Variants in KCNJ13 observed in about 807,000 individuals in gnomAD.
KCNJ13 encodes inward rectifier potassium channel 13.
In KCNJ13, 9 loss-of-function variants were observed where a neutral mutation model predicts 24.6. The ratio of observed to expected loss-of-function variants is 0.37; its 90% CI spans 0.22 to 0.64. The LOEUF (loss-of-function observed/expected upper bound fraction) is 0.64, where lower values mean the gene tolerates loss of function less well. KCNJ13 is among the 30% of genes least tolerant of loss of function. The probability of loss-of-function intolerance (pLI) is 0.64; values close to 1 mark genes in which losing one functional copy is unlikely to be tolerated. For synonymous variants in KCNJ13, 148 were observed against 154.7 expected (o/e 0.96, Z 0.32); for missense variants, 337 against 443.8 (o/e 0.76, Z 2.16).
At position 232,768,719 on chromosome 2, in the gene KCNJ13, A is replaced by T; in HGVS notation, c.555T>A (p.Pro185=). The T allele has an allele frequency of 6.2e-7, 1 of 1,602,498 alleles. No individual in the cohort carries two copies. Among genetic ancestry groups the T allele is most frequent in the Non-Finnish European group, 8.5e-7 (1 of 1,171,052 alleles). Residue 185 remains proline (P), a synonymous_variant, in exon 3 of 3, where the codon CCT becomes CCA. Transcript: ENST00000233826. ...TGTTGGCCACTTGGAAGATAAGATT[A>T]GGTTTGCCATCCATGTGAGCTACTA... The part of the protein sequence containing the change: ...TAVVAHMDGK[P]NLIFQVANTR...
chr2:232,771,462 T>C (rs746396840), intron 1 of KCNJ13, 84 bp from the exon 2 acceptor site: 10 of 842,260 alleles, frequency 1.2e-5, no homozygotes, highest in East Asian at 2.6e-5. Flanking sequence ...ACTTTCTGCT[T>C]TCTTGGGAAT....
intron 1 of KCNJ13, among the ~76,000 whole-genome samples, chr2:232,774,415 A>G (rs1699424819): frequency 6.6e-6 from 1 of 152,226 alleles, no homozygotes; most frequent in South Asian, 2.1e-4. Flanking sequence ...AGTCTGAATT[A>G]TTAGATAGTC....
chr2:232,770,837 A>G, intron 2 of KCNJ13, 66 bp downstream of exon 2: 3 of 1,127,958 alleles, frequency 2.7e-6, no homozygotes, highest in South Asian at 2.6e-5. Flanking sequence ...ACCCTTTCCA[A>G]ACACCTGTAG....
intron 2 of KCNJ13, among the ~76,000 whole-genome samples, chr2:232,769,719 T>C (rs955104304): frequency 6.6e-6 from 1 of 152,136 alleles, no homozygotes; most frequent in African/African-American, 2.4e-5. Flanking sequence ...GTTGGCGGGC[T>C]GTTGGTAAGG....
chr2:232,766,217 AGT>A lies in KCNJ13; in HGVS notation c.*1972_*1973del, dbSNP rs1698957792. On this transcript the variant is annotated 3_prime_UTR_variant, in exon 3 of 3. Coordinates refer to ENST00000233826, the MANE Select transcript of KCNJ13 (RefSeq NM_002242.4). ...GATCACGTTTCTTATAGATTTATAAAGTGTTTATTAAATAACAGTAGTTTACC... is the reference window on the plus strand; with the variant it reads ...GATCACGTTTCTTATAGATTTATAAAGTTTATTAAATAACAGTAGTTTACC... 6.6e-6 allele frequency among the ~76,000 whole-genome samples: 1 copy of A among 152,208 alleles called. No homozygotes were observed. The highest frequency in any genetic ancestry group is 1.5e-5 in the Non-Finnish European group (1 of 68,032).
chr2:232,768,005 A>G lies in KCNJ13; in HGVS notation c.*186T>C. 3.3e-6 allele frequency: 2 copies of G among 610,130 alleles called. No homozygotes were observed. The highest frequency in any genetic ancestry group is 5.7e-6 in the Non-Finnish European group (2 of 347,962). The allele number at this position is 610,130 out of a possible 1,614,324, so 37.8% of individuals were successfully genotyped here. A position where few individuals can be genotyped will look rare whatever the true frequency, so the allele number is the denominator to read the frequency against. ...ATTTCAGCAGGTAACAAACTTTGTA[A>G]TGTAGAGTGTTATGTTTCCAGAATG... On this transcript the variant is annotated 3_prime_UTR_variant, in exon 3 of 3. Transcript: ENST00000233826.
In KCNJ13 at chr2:232,768,627, T is replaced by A. The variant is rs1559416077; in HGVS notation, c.647A>T (p.Lys216Ile). Residue 216 changes from lysine to isoleucine, a missense_variant, in exon 3 of 3, where the codon AAA becomes ATA. This residue lies in a region of KCNJ13 where 235 missense variants were observed against 286.9 expected (regional missense o/e 0.82). Transcript: ENST00000233826. Reference protein sequence around the residue: ...AVLYQERENGKLYQTSVDFHL... With the variant: ...AVLYQERENGILYQTSVDFHL... ...GAAATCCACACTGGTCTGGTAGAGT[T>A]TGCCATTTTCTCTTTCCTGATAGAG... is the stretch of plus-strand genomic sequence containing the variant. The A allele has an allele frequency of 6.2e-7, 1 of 1,614,116 alleles. No individual in the cohort carries two copies. Among genetic ancestry groups the A allele is most frequent in the East Asian group, 2.2e-5 (1 of 44,876 alleles).
In KCNJ13 at chr2:232,768,193, A is replaced by G. The variant is rs1201705876; in HGVS notation, c.1081T>C (p.Ter361GlnextTer6). ...ATACATTAAAAAATGGATAAGTCTT[A>G]TTCTGTCAGTCCTGTTTCAGAGATC... Reference protein sequence around the residue: ...FQISETGLTE* With the variant: ...FQISETGLTEQ The change falls in exon 3 of 3, where the codon TAA (stop) becomes CAA (glutamine). Residue 361 changes from the stop codon to glutamine, a stop_lost. Transcript: ENST00000233826. The G allele has an allele frequency of 5.6e-5, 91 of 1,613,940 alleles. No individual in the cohort carries two copies. The East Asian group carries it at 2.0e-3, about 36-fold the overall frequency.
In KCNJ13 at chr2:232,771,232, G is replaced by A; in HGVS notation, c.131C>T (p.Ala44Val). The change falls in exon 2 of 3, where the codon GCT (alanine) becomes GTT (valine). Residue 44 changes from alanine (A) to valine (V), a missense_variant. Around this residue, in one of 3 missense-constraint regions of KCNJ13, gnomAD observed 101 missense variants for 139.2 expected, o/e 0.73. Transcript: ENST00000233826. ...AQRGLAYLRD[A>V]WGILMDMRWR... ...GCGCATGTCCATTAGGATTCCCCAA[G>A]CATCTCGAAGATATGCAAGACCTCT... 1 of 1,610,656 alleles carries A rather than the reference G, an allele frequency of 6.2e-7. No individual in the cohort carries two copies. The highest frequency in any genetic ancestry group is 8.5e-7 in the Non-Finnish European group (1 of 1,177,298).
chr2:232,766,050 A>T lies in KCNJ13; in HGVS notation c.*2141T>A. On this transcript the variant is annotated 3_prime_UTR_variant, in exon 3 of 3. Transcript: ENST00000233826. The stretch of plus-strand genomic sequence containing the variant: ...TCCCAGTAATTTCCGCCCTTTTTCC[A>T]TTGTTACTTCCTTTTCCTCAGAGGA... The T allele has an allele frequency of 2.1e-6, 1 of 470,792 alleles. No individual in the cohort carries two copies. The highest frequency in any genetic ancestry group is 1.6e-5 in the South Asian group (1 of 64,502). The allele number at this position is 470,792 out of a possible 1,614,324, so 29.2% of individuals were successfully genotyped here.
At chr2:232,774,644 A>G (rs756386564) in intron 1 of KCNJ13, among the ~76,000 whole-genome samples, 1 of 152,210 alleles carries the variant, frequency 6.6e-6, no homozygotes, top group Non-Finnish European at 1.5e-5. Flanking sequence ...TGGTGGGTGA[A>G]CAACTTTGTC....
At chr2:232,769,220 G>A (rs1699114414) in intron 2 of KCNJ13, among the ~76,000 whole-genome samples, 1 of 152,118 alleles carries the variant, frequency 6.6e-6, no homozygotes, top group African/African-American at 2.4e-5. Flanking sequence ...TTGGGATGGG[G>A]AGGGGACCAA....
In KCNJ13 at chr2:232,770,981, T is replaced by C. The variant is rs1385052216; in HGVS notation, c.382A>G (p.Ser128Gly). Reference sequence around the variant, plus strand: ...GCGATTGCACTTGGACAGTCACCACTGGGGAACATGGTACCATAACCAATT... The same window carrying C: ...GCGATTGCACTTGGACAGTCACCACCGGGGAACATGGTACCATAACCAATT... ...LTIGYGTMFP[S>G]GDCPSAIALL... is the part of the protein sequence containing the mutation. Residue 128 changes from serine (S) to glycine (G), a missense_variant, in exon 2 of 3, where the codon AGT becomes GGT. Ser to Gly is a moderately conservative substitution (Grantham distance 56, BLOSUM62 0). Around this residue, in one of 3 missense-constraint regions of KCNJ13, gnomAD observed 235 missense variants for 286.9 expected, o/e 0.82. Coordinates refer to ENST00000233826, the MANE Select transcript of KCNJ13 (RefSeq NM_002242.4). 1 of 1,613,980 alleles carries C rather than the reference T, an allele frequency of 6.2e-7. No homozygotes were observed. The highest frequency in any genetic ancestry group is 2.2e-5 in the East Asian group (1 of 44,878).
At chr2:232,774,661 C>T (rs1169840006) in intron 1 of KCNJ13, among the ~76,000 whole-genome samples, 1 of 152,142 alleles carries the variant, frequency 6.6e-6, no homozygotes, top group East Asian at 1.9e-4. Context: ...TGTCATTCTC[C>T]ACTGTTGTTG....
chr2:232,773,271 A>G (rs181685080), intron 1 of KCNJ13, among the ~76,000 whole-genome samples: 1 of 152,312 alleles, frequency 6.6e-6, no homozygotes, highest in East Asian at 1.9e-4. Context: ...AAACAACAAA[A>G]TCTTCATAGG....
At chr2:232,771,494 C>A in intron 1 of KCNJ13, 116 bp from the exon 2 acceptor site, 1 of 618,654 alleles carries the variant, frequency 1.6e-6, no homozygotes, top group Non-Finnish European at 2.7e-6. Context: ...CACAACTTTG[C>A]CAACTCTCTC....
intron 1 of KCNJ13, among the ~76,000 whole-genome samples, chr2:232,774,501 GT>G (rs1219449029): frequency 7.2e-5 from 11 of 152,142 alleles, no homozygotes; most frequent in Non-Finnish European, 1.3e-4. Context: ...CCAAGTTTCT[GT>G]TTTGCCAGAT....
chr2:232,775,057 A>C (rs1699454211), intron 1 of KCNJ13, among the ~76,000 whole-genome samples: 1 of 151,980 alleles, frequency 6.6e-6, no homozygotes, highest in African/African-American at 2.4e-5. Flanking sequence ...CGGAACAGTT[A>C]AGCAGCATTT....
In KCNJ13 at chr2:232,774,478, T is replaced by C. The variant is rs149678259; in HGVS notation, c.-17+1967A>G. Among the ~76,000 whole-genome samples the C allele has an allele frequency of 8.8e-3, 1,340 of 152,302 alleles. 25 individuals carry two copies. Among genetic ancestry groups the C allele is most frequent in the African/African-American group, 0.03 (1,255 of 41,568 alleles). On this transcript the variant is annotated intron_variant, in intron 1 of 2. Transcript: ENST00000233826. ...TAAAGCAATGTAGAGAGGAGAGTTA[T>C]GACATAACATTGCCAAGTTTCTGTT... is the stretch of plus-strand genomic sequence containing the variant.
Sources: allele counts gnomAD v4.1 joint callset (sites outside exome capture counted in the v4.1 genomes callset), GRCh38; gene constraint gnomAD v4.1.1; regional missense constraint gnomAD v4.1.1; transcripts MANE v1.5; gene names NCBI Gene and HGNC (gene_info 2026-07-23, HGNC 2026-07-21).